The following SETBP1 variants were observed in gnomAD, a reference collection of about 807,000 sequenced individuals.
SETBP1 encodes the protein SET-binding protein.
Under a neutral mutation model 101.0 loss-of-function variants are expected in SETBP1, and 9 were observed. The ratio of observed to expected loss-of-function variants is 0.09; its 90% confidence interval spans 0.05 to 0.16. The LOEUF (loss-of-function observed/expected upper bound fraction) is 0.16. SETBP1 is among the 10% of genes least tolerant of loss of function. The pLI is 1.00. For synonymous variants in SETBP1, 818 were observed against 788.5 expected (o/e 1.04, Z -0.63); for missense variants, 1,858 against 2,033.8 (o/e 0.91, Z 1.66).
chr18:44,930,416 G>T (rs1041080316), intron 3 of SETBP1, among the ~76,000 whole-genome samples: 11 of 152,082 alleles, frequency 7.2e-5, no homozygotes, highest in Non-Finnish European at 1.5e-4. Context: ...TTGTGTCTCT[G>T]CCAGGCTTTG....
intron 4 of SETBP1, among the ~76,000 whole-genome samples, chr18:44,990,281 G>A (rs58336286): frequency 0.015 from 2,357 of 152,136 alleles, 51 homozygotes; most frequent in African/African-American, 0.053. Flanking sequence ...AAAAAAATGT[G>A]GATAAACTTA....
At chr18:45,043,956 A>G (rs1568047494) in intron 5 of SETBP1, among the ~76,000 whole-genome samples, 1 of 152,220 alleles carries the variant, frequency 6.6e-6, no homozygotes, top group East Asian at 1.9e-4. Flanking sequence ...ATCTGTGGGA[A>G]GGGGCCCAGA....
intron 4 of SETBP1, chr18:44,989,137 A>G (rs1168923235): frequency 2.6e-5 from 4 of 152,200 alleles, no homozygotes; most frequent in African/African-American, 7.2e-5. Flanking sequence ...GTAAAATTAG[A>G]CCCACTATAT....
At chr18:44,894,310 A>G (rs75725382) in intron 3 of SETBP1, among the ~76,000 whole-genome samples, 117 of 152,192 alleles carry the variant, frequency 7.7e-4, no homozygotes, top group African/African-American at 2.7e-3. Context: ...GTAAATATAA[A>G]TTTGTTTTAT....
intron 4 of SETBP1, among the ~76,000 whole-genome samples, chr18:44,995,629 G>C (rs2072482079): frequency 6.6e-6 from 1 of 150,866 alleles, no homozygotes; most frequent in Non-Finnish European, 1.5e-5. Context: ...TATGCTGCTA[G>C]TAATTCGTAA....
At chr18:44,884,707 T>C (rs1435600426) in intron 3 of SETBP1, among the ~76,000 whole-genome samples, 1 of 152,200 alleles carries the variant, frequency 6.6e-6, no homozygotes, top group Non-Finnish European at 1.5e-5. Context: ...AATGTGTCAG[T>C]GAAAATACTC....
chr18:44,898,105 C>T (rs2059106772), intron 3 of SETBP1, among the ~76,000 whole-genome samples: 1 of 152,162 alleles, frequency 6.6e-6, no homozygotes, highest in Non-Finnish European at 1.5e-5. Context: ...CTCAGCATAC[C>T]TTTCCATAGA....
At chr18:44,763,207 A>G (rs923090372) in intron 2 of SETBP1, among the ~76,000 whole-genome samples, 5 of 152,242 alleles carry the variant, frequency 3.3e-5, no homozygotes, top group African/African-American at 1.2e-4. Flanking sequence ...AACAATGAGT[A>G]ACTACAGAGG....
intron 2 of SETBP1, among the ~76,000 whole-genome samples, chr18:44,807,129 T>G (rs1032111901): frequency 8.5e-5 from 13 of 152,136 alleles, no homozygotes; most frequent in Non-Finnish European, 1.9e-4. Context: ...GTGGCAATCA[T>G]TTTGCATAGC....
At chr18:45,001,899 G>A (rs948342287) in intron 4 of SETBP1, among the ~76,000 whole-genome samples, 1 of 152,080 alleles carries the variant, frequency 6.6e-6, no homozygotes, top group Middle Eastern at 3.4e-3. Flanking sequence ...ATAAAGTCAG[G>A]GTGGGATTTT....
At chr18:44,940,053 T>C (rs1048812790) in intron 3 of SETBP1, among the ~76,000 whole-genome samples, 1 of 152,214 alleles carries the variant, frequency 6.6e-6, no homozygotes, top group Non-Finnish European at 1.5e-5. Context: ...TGAAGTTCTA[T>C]GGTGAGGGAC....
chr18:44,820,327 A>T (rs2072084845), intron 2 of SETBP1, among the ~76,000 whole-genome samples: 1 of 152,206 alleles, frequency 6.6e-6, no homozygotes, highest in Non-Finnish European at 1.5e-5. Context: ...AGGACACCAG[A>T]ATGGAGTGAA....
chr18:44,820,988 CT>C (rs2144381459), intron 2 of SETBP1, among the ~76,000 whole-genome samples: 1 of 152,258 alleles, frequency 6.6e-6, no homozygotes, highest in South Asian at 2.1e-4. Flanking sequence ...ATTACAGTTC[CT>C]TATTGGCAGG....
chr18:44,897,755 T>C (rs1318120229), intron 3 of SETBP1, among the ~76,000 whole-genome samples: 1 of 152,174 alleles, frequency 6.6e-6, no homozygotes, highest in Non-Finnish European at 1.5e-5. Flanking sequence ...TCTTTTTAGA[T>C]GGAGGAAGAC....
At chr18:44,850,247 T>C (rs2072821094) in intron 2 of SETBP1, among the ~76,000 whole-genome samples, 1 of 152,238 alleles carries the variant, frequency 6.6e-6, no homozygotes, top group African/African-American at 2.4e-5. Flanking sequence ...AGGACTCTTG[T>C]CCATGTGGAG....
chr18:44,840,984 C>A (rs2072604735), intron 2 of SETBP1, among the ~76,000 whole-genome samples: 1 of 152,162 alleles, frequency 6.6e-6, no homozygotes, highest in Non-Finnish European at 1.5e-5. Flanking sequence ...GAAACTGATA[C>A]CTAGAGAGTT....
At chr18:44,795,111 G>A (rs2071448165) in intron 2 of SETBP1, among the ~76,000 whole-genome samples, 1 of 152,202 alleles carries the variant, frequency 6.6e-6, no homozygotes, top group African/African-American at 2.4e-5. Context: ...AGTGTCTTAT[G>A]AGGGGATGTT....
chr18:44,759,668 G>T (rs2070594858), intron 2 of SETBP1, among the ~76,000 whole-genome samples: 1 of 152,188 alleles, frequency 6.6e-6, no homozygotes, highest in Non-Finnish European at 1.5e-5. Flanking sequence ...ATATTGCAAA[G>T]ATATTGGACA....
At chr18:44,995,270 T>C (rs1322667735) in intron 4 of SETBP1, among the ~76,000 whole-genome samples, 1 of 150,614 alleles carries the variant, frequency 6.6e-6, no homozygotes, top group Non-Finnish European at 1.5e-5. Flanking sequence ...GCCTCCCGAG[T>C]AGCTGGGACT....
Sources: allele counts gnomAD v4.1 joint callset (sites outside exome capture counted in the v4.1 genomes callset), GRCh38; gene constraint gnomAD v4.1.1; transcripts MANE v1.5; gene names NCBI Gene and HGNC (gene_info 2026-07-23, HGNC 2026-07-21).